POTEJ: variants seen among roughly 807,000 people sequenced by gnomAD.
POTEJ encodes the protein POTE ankyrin domain family member J.
In POTEJ, 11 loss-of-function variants were observed where a neutral mutation model predicts 69.0. The observed-to-expected ratio is 0.16, with a 90% CI of 0.10 to 0.26. POTEJ has a LOEUF of 0.26. POTEJ is among the 10% of genes least tolerant of loss of function. POTEJ has a pLI of 1.00. For missense variants in POTEJ, 327 were observed against 1,045.5 expected, an observed-to-expected ratio of 0.31 and a Z score of 9.48; for synonymous variants, 117 against 381.1, an observed-to-expected ratio of 0.31 and a Z score of 8.07.
In POTEJ at chr2:130,612,778, A is replaced by G. The variant is rs1685259909; in HGVS notation, c.410+836A>G. On this transcript the variant is annotated intron_variant, in intron 1 of 14. Coordinates refer to ENST00000409602, the MANE Select transcript of POTEJ (RefSeq NM_001277083.2). ...ATTCCGTCTCAAAAAAAAAAAAAAA[A>G]AAAAAAGATGTGAGCTTTTTCTATT... is the stretch of plus-strand genomic sequence containing the variant. 2.0e-5 allele frequency among the ~76,000 whole-genome samples: 3 copies of G among 150,046 alleles called. No individual in the cohort carries two copies. The South Asian group carries it at 6.3e-4, about 31-fold the overall frequency.
chr2:130,654,684 A>T (rs142804249), intron 13 of POTEJ, among the ~76,000 whole-genome samples: 3,483 of 143,592 alleles, frequency 0.024, 264 homozygotes, highest in Non-Finnish European at 0.034. Flanking sequence ...AATTTACTTG[A>T]ATCATCCTGG....
Position 130,623,986 on chromosome 2 carries a change from C to G in POTEJ, c.945-78C>G, listed in dbSNP as rs1210116632. On this transcript the variant is annotated intron_variant, in intron 5 of 14. Coordinates refer to ENST00000409602, the MANE Select transcript of POTEJ (RefSeq NM_001277083.2). ...ATATTCTGATATTGTTTGAAATACT[C>G]TTAATAATTCTGCATTTGGTAAGAT... 4 of 1,419,538 alleles carry G rather than the reference C, an allele frequency of 2.8e-6. 1 individual carries two copies. Among genetic ancestry groups the G allele is most frequent in the Middle Eastern group, 5.2e-4 (2 of 3,836 alleles). The allele number at this position is 1,419,538 out of a possible 1,614,324, so 87.9% of individuals were successfully genotyped here.
chr2:130,627,476 G>A (rs1349135848), intron 6 of POTEJ, among the ~76,000 whole-genome samples: 4 of 142,902 alleles, frequency 2.8e-5, no homozygotes, highest in East Asian at 1.9e-4. Context: ...AGAAAAGAGC[G>A]AGCAAGGAGC....
At chr2:130,612,620 G>A (rs1394348861) in intron 1 of POTEJ, among the ~76,000 whole-genome samples, 2 of 148,922 alleles carry the variant, frequency 1.3e-5, no homozygotes, top group East Asian at 2.0e-4. Flanking sequence ...AAAATTAGCC[G>A]GGCACGGTGG....
intron 13 of POTEJ, among the ~76,000 whole-genome samples, chr2:130,653,654 AT>A (rs1686889262): frequency 3.3e-5 from 2 of 59,882 alleles, no homozygotes; most frequent in African/African-American, 1.3e-4. Context: ...CATAGGATGT[AT>A]TTTCATTTGT....
chr2:130,631,654 T>C (rs1195174971), intron 8 of POTEJ, among the ~76,000 whole-genome samples: 1 of 141,964 alleles, frequency 7.0e-6, no homozygotes, highest in Non-Finnish European at 1.5e-5. Flanking sequence ...TCTTTGATTA[T>C]TATGGAACAA....
chr2:130,627,391 T>A (rs571409598), intron 6 of POTEJ, among the ~76,000 whole-genome samples: 1 of 142,350 alleles, frequency 7.0e-6, no homozygotes, highest in Admixed American at 6.8e-5. Context: ...ATGAACTTAA[T>A]GGATAAAGAT....
chr2:130,629,150 A>G (rs1308388272), intron 6 of POTEJ, among the ~76,000 whole-genome samples: 5 of 151,370 alleles, frequency 3.3e-5, no homozygotes, highest in African/African-American at 9.8e-5. Flanking sequence ...GTAAGGTACT[A>G]TTGTTGCAGA....
intron 6 of POTEJ, among the ~76,000 whole-genome samples, chr2:130,629,174 G>A (rs1436379790): frequency 2.0e-5 from 3 of 148,712 alleles, no homozygotes; most frequent in African/African-American, 7.6e-5. Flanking sequence ...CAGGAAGCAG[G>A]AGAGACCAAG....
chr2:130,622,563 G>A, intron 5 of POTEJ, among the ~76,000 whole-genome samples: 1 of 136,228 alleles, frequency 7.3e-6, no homozygotes, highest in Non-Finnish European at 1.6e-5. Context: ...TTTATATCCT[G>A]TATAGAACCT....
intron 9 of POTEJ, among the ~76,000 whole-genome samples, chr2:130,636,072 C>T (rs1328574392): frequency 7.0e-6 from 1 of 143,776 alleles, no homozygotes; most frequent in Non-Finnish European, 1.5e-5. Flanking sequence ...TCTTGCCATC[C>T]TGTATCTACC....
chr2:130,623,297 G>A lies in POTEJ; in HGVS notation c.945-767G>A, dbSNP rs533538552. 4.8e-4 allele frequency among the ~76,000 whole-genome samples: 20 copies of A among 41,656 alleles called. No individual in the cohort carries two copies. In the East Asian group the frequency reaches 7.1e-3, roughly 15 times the overall value. 27.3% of individuals were successfully genotyped at this position (41,656 alleles called of 152,430 possible). A position where few individuals can be genotyped will look rare whatever the true frequency, so the allele number is the denominator to read the frequency against. ...GAGTTTGAGTCTGTAGAGAAGGATC[G>A]TTGGTCCAAGTCAGGTCTTAACATC... On this transcript the variant is annotated intron_variant, in intron 5 of 14. Transcript: ENST00000409602.
At chr2:130,641,646 G>C (rs1686379511) in intron 10 of POTEJ, among the ~76,000 whole-genome samples, 1 of 151,596 alleles carries the variant, frequency 6.6e-6, no homozygotes, top group African/African-American at 2.4e-5. Context: ...ACATGAGGAA[G>C]GAGTAGGAAA....
At chr2:130,641,793 C>A (rs1176032237) in intron 10 of POTEJ, among the ~76,000 whole-genome samples, 16 of 152,308 alleles carry the variant, frequency 1.1e-4, no homozygotes, top group African/African-American at 3.6e-4. Flanking sequence ...TAACTCACAT[C>A]CTACTAGTTT....
chr2:130,626,732 C>G (rs1342782036), intron 6 of POTEJ, among the ~76,000 whole-genome samples: 1 of 152,162 alleles, frequency 6.6e-6, no homozygotes, highest in Non-Finnish European at 1.5e-5. Flanking sequence ...GTCATACATC[C>G]TTGGAGTAGC....
At chr2:130,626,220 A>G (rs1280631029) in intron 6 of POTEJ, among the ~76,000 whole-genome samples, 1 of 149,330 alleles carries the variant, frequency 6.7e-6, no homozygotes, top group Non-Finnish European at 1.5e-5. Flanking sequence ...ATTAGCTTAG[A>G]ATAAACATTT....
At chr2:130,640,912 T>C (rs1320342076) in intron 10 of POTEJ, among the ~76,000 whole-genome samples, 4 of 152,090 alleles carry the variant, frequency 2.6e-5, no homozygotes, top group African/African-American at 7.3e-5. Context: ...CAGGGGCTCA[T>C]TGGAGAAATT....
chr2:130,644,475 AT>A (rs1274249112), intron 11 of POTEJ, among the ~76,000 whole-genome samples: 88 of 146,256 alleles, frequency 6.0e-4, no homozygotes, highest in African/African-American at 2.0e-3. Context: ...TCTGAAAAAA[AT>A]ATATATATAT....
At chr2:130,652,228 A>C (rs1345419759) in intron 13 of POTEJ, among the ~76,000 whole-genome samples, 2 of 135,778 alleles carry the variant, frequency 1.5e-5, no homozygotes, top group Non-Finnish European at 3.2e-5. Flanking sequence ...CCCTTCTACC[A>C]TGGTTGTTAA....
Sources: gnomAD v4.1 joint callset for allele counts (sites outside exome capture counted in the v4.1 genomes callset) on GRCh38, gnomAD v4.1.1 for gene constraint, MANE v1.5 for transcripts, NCBI Gene and HGNC (gene_info 2026-07-23, HGNC 2026-07-21) for gene names.